TBX18: variants seen among roughly 807,000 people sequenced by gnomAD.
TBX18 encodes T-box transcription factor TBX18.
Under a neutral mutation model 55.0 loss-of-function variants are expected in TBX18, and 21 were observed. That is an observed-to-expected ratio of 0.38 (90% CI 0.27 to 0.55). The LOEUF is 0.55. Ranked by LOEUF, TBX18 falls within the 20% of genes least tolerant of loss-of-function variation. TBX18 has a pLI of 0.73. For missense variants in TBX18, 840 were observed against 799.6 expected, an observed-to-expected ratio of 1.05 and a Z score of -0.61; for synonymous variants, 342 against 326.1, an observed-to-expected ratio of 1.05 and a Z score of -0.53.
intron 4 of TBX18, among the ~76,000 whole-genome samples, chr6:84,749,669 C>T (rs913315338): frequency 6.6e-6 from 1 of 151,836 alleles, no homozygotes; most frequent in African/African-American, 2.4e-5. Flanking sequence ...CAGGAAAATT[C>T]TCTTTCCAGA....
rs973507065 is a variant in TBX18, at chr6:84,762,634, G to A, written c.407C>T (p.Pro136Leu). 5 of 1,612,288 alleles carry A rather than the reference G, an allele frequency of 3.1e-6. No individual in the cohort carries two copies. Among genetic ancestry groups the A allele is most frequent in the Admixed American group, 1.7e-5 (1 of 59,926 alleles). Residue 136 changes from proline (P) to leucine (L), a missense_variant, in exon 2 of 8, where the codon CCG becomes CTG. Pro to Leu is a moderately conservative substitution (Grantham distance 98, BLOSUM62 -3). Transcript: ENST00000369663. ...LARPGTPLPS[P>L]QAPRVDLQGA... ...CTGCAGATCCACCCGCGGGGCCTGCGGCGAGGGCAGAGGGGTCCCGGGCCG... is the reference window on the plus strand; with the variant it reads ...CTGCAGATCCACCCGCGGGGCCTGCAGCGAGGGCAGAGGGGTCCCGGGCCG...
intron 3 of TBX18, among the ~76,000 whole-genome samples, chr6:84,758,411 A>T (rs1416574915): frequency 6.6e-6 from 1 of 151,368 alleles, no homozygotes; most frequent in African/African-American, 2.4e-5. Flanking sequence ...CCATCTCAAA[A>T]AAAAAAAAAA....
rs2295010 is a variant in TBX18 at position 84,753,499 on chromosome 6, C to G, written c.771+3199G>C. Reference sequence around the variant, plus strand: ...AATCACCTCTCATTTGAGTCAATAGCTTTACTAATTAGAGATCAGTGTTAC... The same window carrying G: ...AATCACCTCTCATTTGAGTCAATAGGTTTACTAATTAGAGATCAGTGTTAC... On this transcript the variant is annotated intron_variant, in intron 4 of 7. Coordinates refer to ENST00000369663, the MANE Select transcript of TBX18 (RefSeq NM_001080508.3). Among the ~76,000 whole-genome samples, 59 of 151,276 alleles carry G rather than the reference C, an allele frequency of 3.9e-4. 2 individuals are homozygous for G. In the East Asian group the frequency reaches 6.0e-3, roughly 15 times the overall value.
chr6:84,764,130 G>A lies in TBX18; in HGVS notation c.52C>T (p.His18Tyr), dbSNP rs1324112847. 1 of 1,575,114 alleles carries A rather than the reference G, an allele frequency of 6.3e-7. No individual in the cohort carries two copies. Among genetic ancestry groups the A allele is most frequent in the East Asian group, 2.3e-5 (1 of 43,582 alleles). Residue 18 changes from histidine (H) to tyrosine (Y), a missense_variant, in exon 1 of 8, where the codon CAC becomes TAC. Coordinates refer to ENST00000369663, the MANE Select transcript of TBX18 (RefSeq NM_001080508.3). ...SPCSMLSLKA[H>Y]AFSVEALIGA... The stretch of plus-strand genomic sequence containing the variant: ...ATCAGCGCCTCCACCGAGAAAGCGT[G>A]CGCCTTGAGGCTTAGCATGCTGCAC...
chr6:84,746,866 C>T (rs1044449123), intron 5 of TBX18, among the ~76,000 whole-genome samples: 1 of 150,518 alleles, frequency 6.6e-6, no homozygotes, highest in Non-Finnish European at 1.5e-5. Context: ...TATCTATTAG[C>T]ATAGATAATA....
chr6:84,754,754 T>C (rs1767441695), intron 4 of TBX18, among the ~76,000 whole-genome samples: 1 of 152,230 alleles, frequency 6.6e-6, no homozygotes, highest in Admixed American at 6.5e-5. Flanking sequence ...TCAACATTTA[T>C]ATCAGCAGAC....
At chr6:84,751,649 G>T (rs1354559267) in intron 4 of TBX18, among the ~76,000 whole-genome samples, 2 of 152,170 alleles carry the variant, frequency 1.3e-5, no homozygotes, top group Admixed American at 6.5e-5. Flanking sequence ...ATGAATAAAA[G>T]TCTCAGATCT....
intron 5 of TBX18, among the ~76,000 whole-genome samples, chr6:84,746,702 C>A (rs1241849374): frequency 6.8e-6 from 1 of 147,704 alleles, no homozygotes; most frequent in South Asian, 2.1e-4. Context: ...GTTAAATATG[C>A]TATATTAAAT....
chr6:84,764,476 C>G lies in TBX18; in HGVS notation c.-295G>C. ...CCACCTCCTCCTGCTGCTCCGAGGT[C>G]TGCCTCAACTGATGCGCCAGAGAGG... On this transcript the variant is annotated 5_prime_UTR_variant, in exon 1 of 8. Coordinates refer to ENST00000369663, the MANE Select transcript of TBX18 (RefSeq NM_001080508.3). 1 of 386,170 alleles carries G rather than the reference C, an allele frequency of 2.6e-6. No homozygotes were observed. The highest frequency in any genetic ancestry group is 4.6e-5 in the Admixed American group (1 of 21,944). 23.9% of individuals were successfully genotyped at this position (386,170 alleles called of 1,614,324 possible).
chr6:84,751,963 T>C (rs1767360700), intron 4 of TBX18, among the ~76,000 whole-genome samples: 1 of 152,208 alleles, frequency 6.6e-6, no homozygotes. Flanking sequence ...ACTGGTCGTA[T>C]AAACAAGAAG....
intron 5 of TBX18, among the ~76,000 whole-genome samples, chr6:84,746,539 T>C (rs1040589297): frequency 6.1e-5 from 9 of 146,702 alleles, no homozygotes; most frequent in African/African-American, 2.2e-4. Context: ...TATATTAAAA[T>C]CATAAATACA....
chr6:84,764,134 CT>C lies in TBX18; in HGVS notation c.47del (p.Lys16ArgfsTer10). On this transcript the variant is annotated frameshift_variant, in exon 1 of 8. Transcript: ENST00000369663. LOFTEE classifies it high-confidence loss of function. ...GCGCCTCCACCGAGAAAGCGTGCGC[CT>C]TGAGGCTTAGCATGCTGCACGGCGA... is the stretch of plus-strand genomic sequence containing the variant. ...RGSPCSMLSLKAHAFSVEALI... is the reference protein window; with the variant it reads ...RGSPCSMLSLXAHAFSVEALI... 6.3e-7 allele frequency: 1 copy of C among 1,574,984 alleles called. No homozygotes were observed. The highest frequency in any genetic ancestry group is 8.5e-7 in the Non-Finnish European group (1 of 1,169,824).
At chr6:84,745,498 T>G (rs1316122638) in intron 5 of TBX18, among the ~76,000 whole-genome samples, 1 of 152,138 alleles carries the variant, frequency 6.6e-6, no homozygotes, top group Non-Finnish European at 1.5e-5. Context: ...GTGCACGCCC[T>G]CCAGTCAGCC....
chr6:84,744,350 C>T, intron 5 of TBX18, 25 bp from the exon 6 acceptor site: 1 of 1,600,142 alleles, frequency 6.2e-7, no homozygotes, highest in Admixed American at 1.7e-5. Context: ...AAAAAAATAT[C>T]AAATCTTATA....
At chr6:84,763,066 GC>G in intron 1 of TBX18, 1 of 463,624 alleles carries the variant, frequency 2.2e-6, no homozygotes, top group South Asian at 2.2e-5. Context: ...GCTTCACGCC[GC>G]CGCCGGGGTC....
chr6:84,755,964 T>G (rs1767476381), intron 4 of TBX18, among the ~76,000 whole-genome samples: 1 of 152,232 alleles, frequency 6.6e-6, no homozygotes, highest in African/African-American at 2.4e-5. Context: ...CGAAAGGCAT[T>G]TTAATCCTGC....
In TBX18 at chr6:84,755,955, G is replaced by A. The variant is rs541309676; in HGVS notation, c.771+743C>T. ...TTCTTTTATGTATGATATATTCTTC[G>A]AAAGGCATTTTAATCCTGCCTCAAT... On this transcript the variant is annotated intron_variant, in intron 4 of 7. Coordinates refer to ENST00000369663, the MANE Select transcript of TBX18 (RefSeq NM_001080508.3). Among the ~76,000 whole-genome samples the A allele has an allele frequency of 4.6e-5, 7 of 152,088 alleles. No homozygotes were observed. In the South Asian group the frequency reaches 1.0e-3, roughly 23 times the overall value.
chr6:84,752,216 C>A (rs1420400926), intron 4 of TBX18, among the ~76,000 whole-genome samples: 4 of 151,940 alleles, frequency 2.6e-5, no homozygotes, highest in African/African-American at 9.7e-5. Flanking sequence ...TTGTTTATTT[C>A]TCATCTGATG....
Position 84,734,660 on chromosome 6 carries a change from T to C in TBX18, c.*2025A>G, listed in dbSNP as rs1274267106. 1.3e-5 allele frequency: 2 copies of C among 152,598 alleles called. No homozygotes were observed. The highest frequency in any genetic ancestry group is 1.3e-4 in the Admixed American group (2 of 15,278). 9.5% of individuals were successfully genotyped at this position (152,598 alleles called of 1,614,324 possible). A position where few individuals can be genotyped will look rare whatever the true frequency, so the allele number is the denominator to read the frequency against. On this transcript the variant is annotated 3_prime_UTR_variant, in exon 8 of 8. Coordinates refer to ENST00000369663, the MANE Select transcript of TBX18 (RefSeq NM_001080508.3). ...TTAATAAAAAATTATACTCATATTG[T>C]GGTATCATCTGAAATGATCAACGGC... is the stretch of plus-strand genomic sequence containing the variant.
Sources: allele counts gnomAD v4.1 joint callset (sites outside exome capture counted in the v4.1 genomes callset), GRCh38; gene constraint gnomAD v4.1.1; transcripts MANE v1.5; gene names NCBI Gene and HGNC (gene_info 2026-07-23, HGNC 2026-07-21).